COG2: variants seen among roughly 807,000 people sequenced by gnomAD.
The protein encoded by COG2 is component of oligomeric golgi complex 2, also known as conserved oligomeric Golgi complex subunit 2.
In COG2, 52 loss-of-function variants were observed where a neutral mutation model predicts 90.6. The observed-to-expected ratio is 0.57, with a 90% confidence interval of 0.46 to 0.72. The LOEUF (loss-of-function observed/expected upper bound fraction) is 0.72. Among genes scored for constraint, COG2 ranks in the 30% least tolerant of loss-of-function variants. The pLI is 0.00. For missense variants in COG2, 829 were observed against 891.2 expected (o/e 0.93, Z 0.89); for synonymous variants, 337 against 320.4 (o/e 1.05, Z -0.55).
At chr1:230,651,398 C>T (rs543720901) in intron 1 of COG2, among the ~76,000 whole-genome samples, 1 of 152,230 alleles carries the variant, frequency 6.6e-6, no homozygotes, top group East Asian at 1.9e-4. Context: ...ATTACTTCCC[C>T]AGTTCTCTTG....
At chr1:230,659,661 A>G (rs1323670664) in intron 2 of COG2, 36 bp downstream of exon 2, 3 of 1,591,106 alleles carry the variant, frequency 1.9e-6, no homozygotes, top group Non-Finnish European at 1.7e-6. Context: ...TTACATACAT[A>G]CAATTTCTTT....
At chr1:230,669,161 T>G (rs1439431134) in intron 6 of COG2, 195 bp from the exon 7 acceptor site, 3 of 509,840 alleles carry the variant, frequency 5.9e-6, no homozygotes, top group African/African-American at 5.8e-5. Flanking sequence ...TCTAAATTCT[T>G]CTTTGATGAA....
chr1:230,683,552 C>A (rs1342317890), intron 10 of COG2, 22 bp from the exon 11 acceptor site: 52 of 924,460 alleles, frequency 5.6e-5, no homozygotes, highest in Admixed American at 1.2e-4. Context: ...AACATTAATT[C>A]TTCTTCTTGT....
rs1270369890 is a variant in COG2 at position 230,691,587 on chromosome 1, C to T, written c.2115+23C>T. On this transcript the variant is annotated intron_variant, in intron 17 of 17. Transcript: ENST00000366669. ...CAGGTAACCCATCAGCCGCCGGCAG[C>T]TCCAGCGAGCCTGAAACCAAATTCT... is the stretch of plus-strand genomic sequence containing the variant. The T allele has an allele frequency of 3.8e-6, 6 of 1,592,490 alleles. No homozygotes were observed. The Admixed American group carries it at 1.1e-4, about 28-fold the overall frequency.
Position 230,689,844 on chromosome 1 carries a change from C to T in COG2, c.1795-170C>T, listed in dbSNP as rs1052960800. On this transcript the variant is annotated intron_variant, in intron 15 of 17. Transcript: ENST00000366669. ...GGCTCTTCTTATTCCCTCATGTTCTCCAGGCAGCTTTCTGTGGACCCCAGT... is the reference window on the plus strand; with the variant it reads ...GGCTCTTCTTATTCCCTCATGTTCTTCAGGCAGCTTTCTGTGGACCCCAGT... The T allele has an allele frequency of 1.5e-5, 9 of 604,244 alleles. No individual in the cohort carries two copies. The African/African-American group carries it at 1.5e-4, about 10-fold the overall frequency. The allele number at this position is 604,244 out of a possible 1,614,324, so 37.4% of individuals were successfully genotyped here.
chr1:230,656,978 T>C (rs1365837554), intron 1 of COG2, among the ~76,000 whole-genome samples: 1 of 152,216 alleles, frequency 6.6e-6, no homozygotes, highest in Non-Finnish European at 1.5e-5. Context: ...GCACGTGAGA[T>C]GGGTCTCCTA....
chr1:230,661,999 GCCTCAGCCCTCAGT>G (rs1177178388), intron 3 of COG2, among the ~76,000 whole-genome samples: 1 of 151,842 alleles, frequency 6.6e-6, no homozygotes, highest in African/African-American at 2.4e-5. Context: ...TGTTTTCCGA[GCCTCAGCCCTCAGT>G]CCTCAGCCCT....
chr1:230,652,207 C>CAGG (rs35390563), intron 1 of COG2, among the ~76,000 whole-genome samples: 110,083 of 151,632 alleles, frequency 0.73, 40,544 homozygotes, highest in East Asian at 0.96. Flanking sequence ...TCAGCACCAC[C>CAGG]ACCCTCCCAT....
chr1:230,644,010 T>C (rs553138447), intron 1 of COG2, among the ~76,000 whole-genome samples: 1 of 152,172 alleles, frequency 6.6e-6, no homozygotes, highest in Non-Finnish European at 1.5e-5. Context: ...TAATCTCAGT[T>C]TGTCCATCTC....
At chr1:230,663,545 T>C (rs1430263603) in intron 4 of COG2, among the ~76,000 whole-genome samples, 1 of 152,244 alleles carries the variant, frequency 6.6e-6, no homozygotes, top group Non-Finnish European at 1.5e-5. Flanking sequence ...GATTCAAGAA[T>C]GTAGTGCACT....
chr1:230,642,648 G>T lies in COG2; in HGVS notation c.42G>T (p.Thr14=). The T allele has an allele frequency of 6.2e-7, 1 of 1,613,140 alleles. No individual in the cohort carries two copies. Among genetic ancestry groups the T allele is most frequent in the Non-Finnish European group, 8.5e-7 (1 of 1,179,656 alleles). The change falls in exon 1 of 18, where the codon ACG becomes ACT. Residue 14 remains threonine (T), a synonymous_variant. Coordinates refer to ENST00000366669, the MANE Select transcript of COG2 (RefSeq NM_007357.3). ...TGAACCTGCCCAAGGGGCCGGACAC[G>T]CTCTGCTTCGACAAGGACGAGTTCA... The part of the protein sequence containing the change: ...SRMNLPKGPD[T]LCFDKDEFMK...
At chr1:230,661,713 C>T (rs941079650) in intron 3 of COG2, among the ~76,000 whole-genome samples, 4 of 152,004 alleles carry the variant, frequency 2.6e-5, no homozygotes, top group Non-Finnish European at 1.5e-5. Flanking sequence ...ATAGAAATGT[C>T]AGTGTTTAGA....
chr1:230,653,164 C>T lies in COG2; in HGVS notation c.73-6300C>T, dbSNP rs551975921. On this transcript the variant is annotated intron_variant, in intron 1 of 17. Coordinates refer to ENST00000366669, the MANE Select transcript of COG2 (RefSeq NM_007357.3). ...ACTCCCAACGCCAATCCCCATTCTC[C>T]AGCACCTAGTCCTCTACTTTTTGTT... is the stretch of plus-strand genomic sequence containing the variant. Among the ~76,000 whole-genome samples, 375 of 152,128 alleles carry T rather than the reference C, an allele frequency of 2.5e-3. 1 individual carries two copies. The highest frequency in any genetic ancestry group is 3.7e-3 in the Non-Finnish European group (251 of 68,020).
chr1:230,687,107 C>T lies in COG2; in HGVS notation c.1553C>T (p.Ala518Val), dbSNP rs1571964014. Residue 518 changes from alanine (A) to valine (V), a missense_variant, in exon 13 of 18, where the codon GCA becomes GTA. Physicochemically the swap from Ala to Val is moderately conservative, Grantham distance 64. Transcript: ENST00000366669. ...ISRTQLVYVV[A>V]DLDKLQEQLP... ...CGCACTCAGCTCGTGTATGTGGTTG[C>T]AGACCTGGACAAGCTTCAGGAGCAG... 2 of 1,611,662 alleles carry T rather than the reference C, an allele frequency of 1.2e-6. No individual in the cohort carries two copies. The highest frequency in any genetic ancestry group is 4.5e-5 in the East Asian group (2 of 44,862).
intron 15 of COG2, among the ~76,000 whole-genome samples, chr1:230,688,900 G>T (rs1662954320): frequency 6.6e-6 from 1 of 152,114 alleles, no homozygotes; most frequent in Non-Finnish European, 1.5e-5. Flanking sequence ...TCCATATCAG[G>T]TATTCCACAC....
At chr1:230,654,938 AT>A in intron 1 of COG2, among the ~76,000 whole-genome samples, 1 of 152,290 alleles carries the variant, frequency 6.6e-6, no homozygotes, top group Middle Eastern at 3.4e-3. Flanking sequence ...ATTTTTGCAC[AT>A]TGATTTTGTA....
At chr1:230,661,440 T>C in intron 3 of COG2, 1 of 152,386 alleles carries the variant, frequency 6.6e-6, no homozygotes, top group African/African-American at 2.4e-5. Flanking sequence ...AAAAGTGTGC[T>C]ACCCTGTCCT....
chr1:230,663,130 G>A lies in COG2; in HGVS notation c.301-11G>A. ...AATCTCTGCAGTACTTTTTTTTTTT[G>A]TCTTTTAAAGAGCCTTAGATCGTCT... On this transcript the variant is annotated splice_polypyrimidine_tract_variant and intron_variant, in intron 3 of 17. Coordinates refer to ENST00000366669, the MANE Select transcript of COG2 (RefSeq NM_007357.3). 6.6e-7 allele frequency: 1 copy of A among 1,525,000 alleles called. No homozygotes were observed. The highest frequency in any genetic ancestry group is 8.8e-7 in the Non-Finnish European group (1 of 1,136,120). The allele number at this position is 1,525,000 out of a possible 1,614,324, so 94.5% of individuals were successfully genotyped here.
chr1:230,666,881 G>T (rs770092867), intron 5 of COG2, among the ~76,000 whole-genome samples: 1 of 152,164 alleles, frequency 6.6e-6, no homozygotes, highest in Non-Finnish European at 1.5e-5. Context: ...CTTCTCTTTT[G>T]TGTGGGATAC....
Sources: gnomAD v4.1 joint callset for allele counts (sites outside exome capture counted in the v4.1 genomes callset) on GRCh38, gnomAD v4.1.1 for gene constraint, MANE v1.5 for transcripts, NCBI Gene and HGNC (gene_info 2026-07-23, HGNC 2026-07-21) for gene names.